Variants in KIF13A observed in about 807,000 individuals in gnomAD.
The protein encoded by KIF13A is kinesin-like protein KIF13A.
A neutral mutation model predicts 212.2 loss-of-function variants in KIF13A; 79 were observed. The observed-to-expected ratio is 0.37, with a 90% confidence interval of 0.31 to 0.45. The LOEUF (loss-of-function observed/expected upper bound fraction) is 0.45, where lower values mean the gene tolerates loss of function less well. Ranked by LOEUF, KIF13A falls within the 20% of genes least tolerant of loss-of-function variation. KIF13A has a pLI of 1.00. For missense variants in KIF13A, 1,901 were observed against 2,209.0 expected (o/e 0.86, Z 2.79); for synonymous variants, 789 against 808.6 (o/e 0.98, Z 0.41).
Position 17,764,805 on chromosome 6 carries a change from C to T in KIF13A, c.4723G>A (p.Asp1575Asn), listed in dbSNP as rs1758798473. 1.2e-6 allele frequency: 2 copies of T among 1,613,246 alleles called. No individual in the cohort carries two copies. Among genetic ancestry groups the T allele is most frequent in the South Asian group, 2.2e-5 (2 of 90,920 alleles). ...ENREWFSSKV[D>N]LSNSRVLEKE... ...TCCAAGACCCGTGAGTTTGACAGATCTACTTTAGAGGAAAACCATTCCCTG... is the reference window on the plus strand; with the variant it reads ...TCCAAGACCCGTGAGTTTGACAGATTTACTTTAGAGGAAAACCATTCCCTG... The change falls in exon 39 of 39, where the codon GAT becomes AAT. Residue 1575 changes from aspartate to asparagine, a missense_variant. Physicochemically the swap from Asp to Asn is conservative, Grantham distance 23. Coordinates refer to ENST00000259711, the MANE Select transcript of KIF13A (RefSeq NM_022113.6). This position sits in a 1 kb window ranked among gnomAD's most constrained non-coding sequence, Gnocchi z 5.1.
intron 18 of KIF13A, among the ~76,000 whole-genome samples, chr6:17,807,428 C>T (rs560402374): frequency 1.3e-5 from 2 of 152,260 alleles, no homozygotes; most frequent in South Asian, 4.2e-4. Flanking sequence ...GAGATACGCC[C>T]TGGTCTCCTG....
chr6:17,937,272 C>G (rs1275625664), intron 2 of KIF13A, among the ~76,000 whole-genome samples: 1 of 152,162 alleles, frequency 6.6e-6, no homozygotes, highest in Non-Finnish European at 1.5e-5. Context: ...ACCAACAGAC[C>G]ATTGGAAGTC....
At chr6:17,861,404 G>A (rs1768769473) in intron 4 of KIF13A, among the ~76,000 whole-genome samples, 1 of 56,010 alleles carries the variant, frequency 1.8e-5, no homozygotes, top group African/African-American at 4.6e-5. Context: ...TCCATTGTAT[G>A]AATAATGGAT....
In KIF13A at chr6:17,860,711, G is replaced by A. The variant is rs532153779; in HGVS notation, c.221-4589C>T. ...GTTGTACTCCAGCCTGGGTGACAGA[G>A]TGAGACTCTGTCTCAAAAAAAAAAA... On this transcript the variant is annotated intron_variant, in intron 4 of 38. Transcript: ENST00000259711. Among the ~76,000 whole-genome samples, 17 of 150,922 alleles carry A rather than the reference G, an allele frequency of 1.1e-4. No homozygotes were observed. The South Asian group carries it at 3.3e-3, about 30-fold the overall frequency.
Position 17,764,047 on chromosome 6 carries a change from G to C in KIF13A, c.*63C>G, listed in dbSNP as rs543661912. On this transcript the variant is annotated 3_prime_UTR_variant, in exon 39 of 39. Coordinates refer to ENST00000259711, the MANE Select transcript of KIF13A (RefSeq NM_022113.6). This position sits in a 1 kb window ranked among gnomAD's most constrained non-coding sequence, Gnocchi z 5.1. Reference sequence around the variant, plus strand: ...TCTTTGCTGTCACAAACAACTGGATGAATCTTTCCTACCAAGTTGTTGCGG... The same window carrying C: ...TCTTTGCTGTCACAAACAACTGGATCAATCTTTCCTACCAAGTTGTTGCGG... 24 of 1,546,754 alleles carry C rather than the reference G, an allele frequency of 1.6e-5. No individual in the cohort carries two copies. In the East Asian group the frequency reaches 4.6e-4, roughly 29 times the overall value.
chr6:17,983,468 C>A (rs1318661344), intron 2 of KIF13A, among the ~76,000 whole-genome samples: 1 of 150,694 alleles, frequency 6.6e-6, no homozygotes, highest in Admixed American at 6.6e-5. Context: ...ACCCACCCCA[C>A]CCCCAAAACT....
intron 4 of KIF13A, 79 bp downstream of exon 4, chr6:17,873,298 C>T: frequency 1.1e-6 from 1 of 939,372 alleles, no homozygotes; most frequent in Non-Finnish European, 1.6e-6. Flanking sequence ...AGTAAAACTC[C>T]AGAGGAATTA....
rs541576016 is a variant in KIF13A at position 17,963,797 on chromosome 6, C to T, written c.146+23257G>A. ...GTTTCATACTCCTGACCTTGTGATC[C>T]GCCCACCTCAGCCTCCCAAAGTGTT... On this transcript the variant is annotated intron_variant, in intron 2 of 38. Coordinates refer to ENST00000259711, the MANE Select transcript of KIF13A (RefSeq NM_022113.6). This position sits in a 1 kb window ranked among gnomAD's most constrained non-coding sequence, Gnocchi z 4.1. 6.6e-6 allele frequency among the ~76,000 whole-genome samples: 1 copy of T among 152,274 alleles called. No homozygotes were observed. The highest frequency in any genetic ancestry group is 1.9e-4 in the East Asian group (1 of 5,168).
At chr6:17,884,485 G>A (rs1386442614) in intron 3 of KIF13A, among the ~76,000 whole-genome samples, 1 of 152,146 alleles carries the variant, frequency 6.6e-6, no homozygotes, top group Non-Finnish European at 1.5e-5. Context: ...TTCTCTCTAG[G>A]TACAGGATAG....
chr6:17,809,890 C>A lies in KIF13A; in HGVS notation c.2001-960G>T, dbSNP rs16879980. 3.9e-5 allele frequency among the ~76,000 whole-genome samples: 6 copies of A among 152,122 alleles called. No homozygotes were observed. Among genetic ancestry groups the A allele is most frequent in the African/African-American group, 1.2e-4 (5 of 41,430 alleles). ...TCGTCACCTTAGAAATGACAGAAGA[C>A]GCATGCTGTGCGGATGCTAAGGTAA... On this transcript the variant is annotated intron_variant, in intron 17 of 38. Transcript: ENST00000259711. The surrounding 1 kb of genome is among the most constrained non-coding windows in gnomAD (Gnocchi z 4.7).
At position 17,915,956 on chromosome 6, in the gene KIF13A, AAAAT is replaced by A. The variant is rs1383657806; in HGVS notation, c.147-17780_147-17777del. On this transcript the variant is annotated intron_variant, in intron 2 of 38. Coordinates refer to ENST00000259711, the MANE Select transcript of KIF13A (RefSeq NM_022113.6). The surrounding 1 kb of genome is among the most constrained non-coding windows in gnomAD (Gnocchi z 4.4). ...AGTCTCAAAAAAAAAAATAAAAATA[AAAAT>A]AAAATAAAATAAAATAAATTACAGT... Among the ~76,000 whole-genome samples the A allele has an allele frequency of 7.5e-6, 1 of 132,942 alleles. No individual in the cohort carries two copies. The allele number at this position is 132,942 out of a possible 152,430, so 87.2% of individuals were successfully genotyped here. A position where few individuals can be genotyped will look rare whatever the true frequency, so the allele number is the denominator to read the frequency against.
rs1424182248 is a variant in KIF13A, at chr6:17,837,500, C to T, written c.914G>A (p.Arg305Gln). ...GKGKSKFVPY[R>Q]DSVLTWLLKD... ...AAGCAGCCAAGTGAGGACTGAATCTCGATAAGGCACAAATTTGCTTTTACC... is the reference window on the plus strand; with the variant it reads ...AAGCAGCCAAGTGAGGACTGAATCTTGATAAGGCACAAATTTGCTTTTACC... The change falls in exon 10 of 39, where the codon CGA (arginine) becomes CAA (glutamine). Residue 305 changes from arginine (R) to glutamine (Q), a missense_variant. Arg to Gln is a conservative substitution (Grantham distance 43, BLOSUM62 1). Transcript: ENST00000259711. The surrounding 1 kb of genome is among the most constrained non-coding windows in gnomAD (Gnocchi z 5.4). 2 of 1,606,908 alleles carry T rather than the reference C, an allele frequency of 1.2e-6. No homozygotes were observed. Among genetic ancestry groups the T allele is most frequent in the Non-Finnish European group, 1.7e-6 (2 of 1,176,566 alleles).
At chr6:17,813,850 T>C (rs572706724) in intron 17 of KIF13A, among the ~76,000 whole-genome samples, 4 of 152,142 alleles carry the variant, frequency 2.6e-5, no homozygotes, top group Admixed American at 1.3e-4. Context: ...AGTTTCCTTA[T>C]GTGTAAAGGC....
intron 20 of KIF13A, among the ~76,000 whole-genome samples, chr6:17,801,114 A>C (rs954828410): frequency 1.3e-5 from 2 of 152,094 alleles, no homozygotes; most frequent in African/African-American, 4.8e-5. Flanking sequence ...ATTTGACCAA[A>C]CAGCTAGCTC....
At chr6:17,983,157 T>C (rs1226847104) in intron 2 of KIF13A, among the ~76,000 whole-genome samples, 3 of 132,268 alleles carry the variant, frequency 2.3e-5, no homozygotes, top group South Asian at 2.3e-4. Context: ...CAGGTGACAG[T>C]GCGAGACTCC....
At chr6:17,939,138 G>A (rs548453577) in intron 2 of KIF13A, among the ~76,000 whole-genome samples, 38 of 152,156 alleles carry the variant, frequency 2.5e-4, no homozygotes, top group African/African-American at 8.2e-4. Flanking sequence ...GGCGCTTTCC[G>A]CCCTTTCCTC....
chr6:17,922,752 T>C (rs1296877499), intron 2 of KIF13A, among the ~76,000 whole-genome samples: 1 of 151,874 alleles, frequency 6.6e-6, no homozygotes, highest in Non-Finnish European at 1.5e-5. Flanking sequence ...GATATTCATT[T>C]CTATTATTAT....
At chr6:17,761,084 G>A (rs1758562965), downstream of KIF13A, among the ~76,000 whole-genome samples, 3 of 152,134 alleles carry the variant, frequency 2.0e-5, no homozygotes, top group South Asian at 6.2e-4. Flanking sequence ...AGTAATGACA[G>A]CAACAACCAA....
Position 17,984,573 on chromosome 6 carries a change from C to T in KIF13A, c.146+2481G>A, listed in dbSNP as rs1197605712. 4.1e-6 allele frequency: 4 copies of T among 983,254 alleles called. No homozygotes were observed. In the East Asian group the frequency reaches 4.5e-4, roughly 112 times the overall value. 60.9% of individuals were successfully genotyped at this position (983,254 alleles called of 1,614,324 possible). A position where few individuals can be genotyped will look rare whatever the true frequency, so the allele number is the denominator to read the frequency against. On this transcript the variant is annotated intron_variant, in intron 2 of 38. Transcript: ENST00000259711. The surrounding 1 kb of genome is among the most constrained non-coding windows in gnomAD (Gnocchi z 5.0). Reference sequence around the variant, plus strand: ...TTGTAAAATGGGGAAACAATGAAAGCTGACCCCATCTGTTTTTTTTTTTTT... The same window carrying T: ...TTGTAAAATGGGGAAACAATGAAAGTTGACCCCATCTGTTTTTTTTTTTTT...
Sources: gnomAD v4.1 joint callset for allele counts (sites outside exome capture counted in the v4.1 genomes callset) on GRCh38, gnomAD v4.1.1 for gene constraint, Gnocchi (gnomAD v3.1) non-coding constraint, MANE v1.5 for transcripts, NCBI Gene and HGNC (gene_info 2026-07-23, HGNC 2026-07-21) for gene names.